CCDC3: variants seen among roughly 807,000 people sequenced by gnomAD.
CCDC3 encodes the protein coiled-coil domain-containing protein 3.
CCDC3 carries 24 observed loss-of-function variants against 21.4 expected under a neutral mutation model. The observed-to-expected ratio is 1.12, with a 90% CI of 0.81 to 1.58. The LOEUF (loss-of-function observed/expected upper bound fraction) is 1.58. Among genes scored for constraint, CCDC3 ranks in the 40% most tolerant of loss-of-function variants. The pLI is 0.00. For synonymous variants in CCDC3, 186 were observed against 166.0 expected (o/e 1.12, Z -0.93); for missense variants, 425 against 360.9 (o/e 1.18, Z -1.44).
chr10:12,997,559 T>C (rs1002095061), intron 2 of CCDC3, among the ~76,000 whole-genome samples: 3 of 152,362 alleles, frequency 2.0e-5, no homozygotes, highest in Admixed American at 2.0e-4. Context: ...TTGGCCATCC[T>C]GCACCTCTAT....
chr10:13,000,468 G>A (rs560789043), intron 1 of CCDC3, among the ~76,000 whole-genome samples: 2 of 151,996 alleles, frequency 1.3e-5, no homozygotes, highest in Non-Finnish European at 2.9e-5. Context: ...GGACCTCCTG[G>A]CCTGGTTCAC....
chr10:13,073,185 GAGTTTTATAACTTGCAAT>G (rs1392195514), intron 4 of CCDC3, among the ~76,000 whole-genome samples: 2 of 152,036 alleles, frequency 1.3e-5, no homozygotes, highest in Non-Finnish European at 2.9e-5. Flanking sequence ...TTTCACTTAG[GAGTTTTATAACTTGCAAT>G]AGTTCCTAAG....
intron 3 of CCDC3, chr10:13,098,502 G>A (rs1469015326): frequency 6.6e-6 from 1 of 151,400 alleles, no homozygotes; most frequent in African/African-American, 2.4e-5. Flanking sequence ...ACAGTAAAAG[G>A]AGCCTAGTGA....
intron 5 of CCDC3, among the ~76,000 whole-genome samples, chr10:13,022,623 A>G (rs1453135919): frequency 1.3e-5 from 2 of 152,196 alleles, no homozygotes; most frequent in Non-Finnish European, 2.9e-5. Context: ...GCCCCAACCT[A>G]ATGCAAGGGG....
At chr10:13,044,018 G>A (rs1192938660) in intron 5 of CCDC3, among the ~76,000 whole-genome samples, 1 of 1,872 alleles carries the variant, frequency 5.3e-4, no homozygotes, top group Non-Finnish European at 0.014. Context: ...ACTAGCATCT[G>A]TTGTTTTTTT....
chr10:13,089,771 G>C (rs1837158350), intron 3 of CCDC3, among the ~76,000 whole-genome samples: 1 of 151,768 alleles, frequency 6.6e-6, no homozygotes, highest in African/African-American at 2.4e-5. Context: ...AGATTTTGGT[G>C]CTCCCATCAC....
chr10:12,946,068 G>A (rs1026410356), intron 2 of CCDC3, among the ~76,000 whole-genome samples: 1 of 152,142 alleles, frequency 6.6e-6, no homozygotes, highest in Non-Finnish European at 1.5e-5. Context: ...AGTATCTCTA[G>A]GGCACTGTAT....
chr10:13,010,883 A>G (rs186838582), intron 5 of CCDC3, among the ~76,000 whole-genome samples: 1 of 152,314 alleles, frequency 6.6e-6, no homozygotes, highest in African/African-American at 2.4e-5. Context: ...ATTCTCATCT[A>G]TAAAACGGTC....
chr10:12,985,181 C>T (rs895881637), intron 2 of CCDC3, among the ~76,000 whole-genome samples: 1 of 152,014 alleles, frequency 6.6e-6, no homozygotes, highest in African/African-American at 2.4e-5. Context: ...GCATATAAAT[C>T]GTATCTTAAC....
At chr10:12,989,879 G>A (rs1049918692) in intron 2 of CCDC3, among the ~76,000 whole-genome samples, 1 of 152,022 alleles carries the variant, frequency 6.6e-6, no homozygotes, top group African/African-American at 2.4e-5. Context: ...AAGATAGTGG[G>A]ACCAGATGAT....
At chr10:13,058,070 T>C (rs1836705368) in intron 4 of CCDC3, 2 of 755,568 alleles carry the variant, frequency 2.6e-6, no homozygotes, top group East Asian at 2.4e-5. Flanking sequence ...ATCTGCAACA[T>C]TCTGGCCCCT....
intron 2 of CCDC3, among the ~76,000 whole-genome samples, chr10:12,934,926 G>A (rs1834712043): frequency 6.6e-6 from 1 of 151,928 alleles, no homozygotes; most frequent in African/African-American, 2.4e-5. Flanking sequence ...ACCATGCCCA[G>A]TCTTATCTTA....
At chr10:12,924,942 G>C (rs1834511662) in intron 2 of CCDC3, among the ~76,000 whole-genome samples, 1 of 152,224 alleles carries the variant, frequency 6.6e-6, no homozygotes, top group Non-Finnish European at 1.5e-5. Flanking sequence ...ATGGAGACTT[G>C]CAGCTGTGTA....
intron 2 of CCDC3, among the ~76,000 whole-genome samples, chr10:12,908,571 G>GCTT (rs1288270855): frequency 6.6e-6 from 1 of 151,538 alleles, no homozygotes; most frequent in African/African-American, 2.4e-5. Context: ...GGGTAGAAGG[G>GCTT]TGCTGAAATC....
At chr10:12,990,189 G>A (rs1169651979) in intron 2 of CCDC3, among the ~76,000 whole-genome samples, 3 of 151,140 alleles carry the variant, frequency 2.0e-5, no homozygotes, top group Non-Finnish European at 2.9e-5. Context: ...CCTGGGAGGC[G>A]GAGCTTGCAG....
chr10:12,924,944 A>C (rs1834511723), intron 2 of CCDC3, among the ~76,000 whole-genome samples: 1 of 152,230 alleles, frequency 6.6e-6, no homozygotes, highest in Non-Finnish European at 1.5e-5. Flanking sequence ...GGAGACTTGC[A>C]GCTGTGTAAA....
At position 13,058,301 on chromosome 10, in the gene CCDC3, G is replaced by A. The variant is rs547554895; in HGVS notation, c.-269-8360C>T. On this transcript the variant is annotated intron_variant, in intron 4 of 6. Coordinates refer to the CCDC3 transcript ENST00000378839. ...GCTTTCCACATCGTATTCATCGCCA[G>A]TCACCTTCACTTGGCCTTCATAGAT... is the stretch of plus-strand genomic sequence containing the variant. 5 of 1,363,526 alleles carry A rather than the reference G, an allele frequency of 3.7e-6. No individual in the cohort carries two copies. In the African/African-American group the frequency reaches 7.1e-5, roughly 19 times the overall value. 84.5% of individuals were successfully genotyped at this position (1,363,526 alleles called of 1,614,324 possible). A position where few individuals can be genotyped will look rare whatever the true frequency, so the allele number is the denominator to read the frequency against.
intron 3 of CCDC3, among the ~76,000 whole-genome samples, chr10:13,075,521 C>T (rs1232892168): frequency 6.6e-6 from 1 of 151,796 alleles, no homozygotes; most frequent in African/African-American, 2.4e-5. Flanking sequence ...AACCTCTTCC[C>T]ACCGCTAAAG....
chr10:13,008,108 G>A lies in CCDC3; in HGVS notation c.-1-9596C>T, dbSNP rs542467384. Among the ~76,000 whole-genome samples, 121 of 152,280 alleles carry A rather than the reference G, an allele frequency of 7.9e-4. 1 individual carries two copies. The highest frequency in any genetic ancestry group is 2.6e-3 in the African/African-American group (108 of 41,536). On this transcript the variant is annotated intron_variant, in intron 5 of 6. Transcript: ENST00000378839. ...CTCAGGCTCCAAAACCCCATGACAG[G>A]GTACCCTGTTATGGGGTTGACCATG...
Sources: gnomAD v4.1 joint callset for allele counts (sites outside exome capture counted in the v4.1 genomes callset) on GRCh38, gnomAD v4.1.1 for gene constraint, MANE v1.5 for transcripts, NCBI Gene and HGNC (gene_info 2026-07-23, HGNC 2026-07-21) for gene names.